The following CFAP99 variants were observed in gnomAD, a reference collection of about 807,000 sequenced individuals.
CFAP99 encodes cilia- and flagella-associated protein 99.
CFAP99 carries 84 observed loss-of-function variants against 82.7 expected under a neutral mutation model. The ratio of observed to expected loss-of-function variants is 1.02; its 90% CI spans 0.85 to 1.22. CFAP99 has a LOEUF of 1.22. Among genes scored for constraint, CFAP99 ranks in the 50% most tolerant of loss-of-function variants. The pLI is 0.00. For missense variants in CFAP99, 1,059 were observed against 983.5 expected (o/e 1.08, Z -1.03); for synonymous variants, 456 against 429.5 (o/e 1.06, Z -0.76).
chr4:2,462,109 A>G lies in CFAP99; in HGVS notation c.1662-334A>G, dbSNP rs1734634441. The G allele has an allele frequency of 5.4e-6, 1 of 184,612 alleles. No individual in the cohort carries two copies. Among genetic ancestry groups the G allele is most frequent in the Non-Finnish European group, 1.1e-5 (1 of 89,734 alleles). The allele number at this position is 184,612 out of a possible 1,614,324, so 11.4% of individuals were successfully genotyped here. On this transcript the variant is annotated intron_variant, in intron 14 of 14. Coordinates refer to ENST00000635017, the Ensembl canonical transcript of CFAP99. This position sits in a 1 kb window ranked among gnomAD's most constrained non-coding sequence, Gnocchi z 4.1. ...GAGGTCAAGGCTGCAGTGAGCCATG[A>G]TCGCGCCACTGCACTCCAGCCTGGG... is the stretch of plus-strand genomic sequence containing the variant.
At chr4:2,441,078 A>ATAT (rs1243022935) in intron 4 of CFAP99, among the ~76,000 whole-genome samples, 2 of 149,260 alleles carry the variant, frequency 1.3e-5, no homozygotes, top group East Asian at 3.9e-4. Flanking sequence ...AATAATAATA[A>ATAT]TATAATAATA....
intron 2 of CFAP99, among the ~76,000 whole-genome samples, chr4:2,431,748 T>A (rs1578466494): frequency 6.6e-6 from 1 of 151,958 alleles, no homozygotes; most frequent in Non-Finnish European, 1.5e-5. Flanking sequence ...TTTATTATTT[T>A]TTTTTTTTGA....
intron 13 of CFAP99, 64 bp downstream of exon 13, chr4:2,459,322 G>C: frequency 2.1e-6 from 3 of 1,458,378 alleles, no homozygotes; most frequent in Admixed American, 2.4e-5. Context: ...TGCCATGAGA[G>C]GCAGTTTCCA....
intron 4 of CFAP99, among the ~76,000 whole-genome samples, chr4:2,438,980 G>C (rs1002600713): frequency 6.6e-6 from 1 of 152,158 alleles, no homozygotes. Context: ...ATGAGGATTG[G>C]CACCCCGAGG....
chr4:2,429,546 A>C (rs1447872308), intron 2 of CFAP99, among the ~76,000 whole-genome samples: 1 of 151,812 alleles, frequency 6.6e-6, no homozygotes, highest in Non-Finnish European at 1.5e-5. Context: ...GGTGGCAAGC[A>C]GGCTTGTTCC....
In CFAP99 at chr4:2,448,255, C is replaced by T. The variant is rs556639316; in HGVS notation, c.643-1415C>T. On this transcript the variant is annotated intron_variant, in intron 6 of 14. Coordinates refer to ENST00000635017, the Ensembl canonical transcript of CFAP99. The surrounding 1 kb of genome is among the most constrained non-coding windows in gnomAD (Gnocchi z 5.2). ...CTCAGTGTGTTTGTCTCAGGTCATG[C>T]TGCCAACTTCATCTCTCTCTCTGTC... Among the ~76,000 whole-genome samples, 1 of 152,286 alleles carries T rather than the reference C, an allele frequency of 6.6e-6. No homozygotes were observed. The highest frequency in any genetic ancestry group is 1.9e-4 in the East Asian group (1 of 5,188).
chr4:2,458,733 T>C (rs1329720781), exon 12 of CFAP99: 1 of 1,533,880 alleles, frequency 6.5e-7, no homozygotes, highest in African/African-American at 1.4e-5. Context: ...ATGGCCAAGC[T>C]GATGCTGCAG....
Position 2,462,385 on chromosome 4 carries a change from T to G in CFAP99, c.1662-58T>G, listed in dbSNP as rs895040848. On this transcript the variant is annotated intron_variant, in intron 14 of 14. Transcript: ENST00000635017. The surrounding 1 kb of genome is among the most constrained non-coding windows in gnomAD (Gnocchi z 4.1). ...CGTCGCTTGGACACGGGTGGCATCC[T>G]GGGTCTGGCCTGGGCCTCCCGCCGG... 3 of 1,370,154 alleles carry G rather than the reference T, an allele frequency of 2.2e-6. No homozygotes were observed. In the African/African-American group the frequency reaches 4.6e-5, roughly 21 times the overall value. 84.9% of individuals were successfully genotyped at this position (1,370,154 alleles called of 1,614,324 possible). A position where few individuals can be genotyped will look rare whatever the true frequency, so the allele number is the denominator to read the frequency against.
intron 12 of CFAP99, 32 bp from the exon 13 acceptor site, chr4:2,459,075 C>A (rs527302629): frequency 1.4e-6 from 2 of 1,480,990 alleles, no homozygotes; most frequent in Admixed American, 2.3e-5. Flanking sequence ...TGCCACCCAC[C>A]AGCCACCTCA....
At chr4:2,453,485 C>G (rs1402995243) in intron 11 of CFAP99, among the ~76,000 whole-genome samples, 1 of 152,190 alleles carries the variant, frequency 6.6e-6, no homozygotes, top group African/African-American at 2.4e-5. Context: ...CATCTTCACT[C>G]CACCAAAGTG....
At chr4:2,425,488 G>A (rs1733664451) in intron 1 of CFAP99, among the ~76,000 whole-genome samples, 1 of 152,106 alleles carries the variant, frequency 6.6e-6, no homozygotes, top group Non-Finnish European at 1.5e-5. Flanking sequence ...TGCTACCTGG[G>A]GCTGTTCTAG....
In CFAP99 at chr4:2,446,238, C is replaced by T. The variant is rs1734161449; in HGVS notation, c.642+930C>T. On this transcript the variant is annotated intron_variant, in intron 6 of 14. Coordinates refer to ENST00000635017, the Ensembl canonical transcript of CFAP99. This position sits in a 1 kb window ranked among gnomAD's most constrained non-coding sequence, Gnocchi z 5.0. ...GTTTACTTCTCACTGATCCTGGCTC[C>T]TTTTCTTCACCGAATTGGAGTTTAG... Among the ~76,000 whole-genome samples the T allele has an allele frequency of 6.6e-6, 1 of 152,162 alleles. No individual in the cohort carries two copies. Among genetic ancestry groups the T allele is most frequent in the Non-Finnish European group, 1.5e-5 (1 of 68,034 alleles).
chr4:2,444,998 C>T (rs11734990), intron 5 of CFAP99, 133 bp from the exon 6 acceptor site: 56 of 527,042 alleles, frequency 1.1e-4, no homozygotes, highest in Admixed American at 8.7e-4. Flanking sequence ...GAAGTGAGGC[C>T]GTCCATCCCA....
Position 2,458,711 on chromosome 4 carries a change from C to A in CFAP99, c.1162-12C>A, listed in dbSNP as rs1008678961. 2.9e-5 allele frequency: 44 copies of A among 1,529,310 alleles called. No homozygotes were observed. The African/African-American group carries it at 5.5e-4, about 19-fold the overall frequency. 94.7% of individuals were successfully genotyped at this position (1,529,310 alleles called of 1,614,324 possible). A position where few individuals can be genotyped will look rare whatever the true frequency, so the allele number is the denominator to read the frequency against. Reference sequence around the variant, plus strand: ...AGCCCCACTCACCGTGGCAGGTCCGCTGTCTGGGCAGATGGCCAAGCTGAT... The same window carrying A: ...AGCCCCACTCACCGTGGCAGGTCCGATGTCTGGGCAGATGGCCAAGCTGAT... On this transcript the variant is annotated splice_polypyrimidine_tract_variant and intron_variant, in intron 11 of 14. Transcript: ENST00000635017.
chr4:2,421,350 CT>C (rs10632358), intron 1 of CFAP99, among the ~76,000 whole-genome samples: 114 of 96,982 alleles, frequency 1.2e-3, no homozygotes, highest in African/African-American at 2.6e-3. Flanking sequence ...TCTGCCCACC[CT>C]TTTTTTTTTT....
In CFAP99 at chr4:2,424,461, GA is replaced by G. The variant is rs1181716449; in HGVS notation, c.-17-1989del. 1.3e-4 allele frequency among the ~76,000 whole-genome samples: 19 copies of G among 151,172 alleles called. No homozygotes were observed. The South Asian group carries it at 4.0e-3, about 32-fold the overall frequency. The stretch of plus-strand genomic sequence containing the variant: ...AGAGCAAAACTCCATCTCAAAAAAA[GA>G]AAAAAAAAGAACAGCCCATGTCAGG... On this transcript the variant is annotated intron_variant, in intron 1 of 14. Transcript: ENST00000635017.
intron 11 of CFAP99, among the ~76,000 whole-genome samples, chr4:2,458,347 G>A (rs1293751881): frequency 6.6e-6 from 1 of 152,100 alleles, no homozygotes; most frequent in Non-Finnish European, 1.5e-5. Context: ...ATAGAACAGG[G>A]TATTCCACGT....
intron 1 of CFAP99, among the ~76,000 whole-genome samples, chr4:2,422,371 C>A (rs1394935627): frequency 3.9e-5 from 6 of 152,106 alleles, no homozygotes; most frequent in Admixed American, 2.6e-4. Flanking sequence ...GCTCTTCACC[C>A]CCGTCCCCAT....
rs1376525426 is a variant in CFAP99, at chr4:2,426,592, A to G, written c.111+6A>G. The G allele has an allele frequency of 6.5e-7, 1 of 1,529,102 alleles. No individual in the cohort carries two copies. The highest frequency in any genetic ancestry group is 8.8e-7 in the Non-Finnish European group (1 of 1,140,796). 94.7% of individuals were successfully genotyped at this position (1,529,102 alleles called of 1,614,324 possible). A position where few individuals can be genotyped will look rare whatever the true frequency, so the allele number is the denominator to read the frequency against. Reference sequence around the variant, plus strand: ...CTGCGGCCACCTCCCTGCAGGTAGGATCTGCTGGGGGCTGCTGGGAGGCCA... The same window carrying G: ...CTGCGGCCACCTCCCTGCAGGTAGGGTCTGCTGGGGGCTGCTGGGAGGCCA... On this transcript the variant is annotated splice_donor_region_variant and intron_variant, in intron 2 of 14. Coordinates refer to ENST00000635017, the Ensembl canonical transcript of CFAP99.
Sources: gnomAD v4.1 joint callset for allele counts (sites outside exome capture counted in the v4.1 genomes callset) on GRCh38, gnomAD v4.1.1 for gene constraint, Gnocchi (gnomAD v3.1) non-coding constraint, MANE v1.5 for transcripts, NCBI Gene and HGNC (gene_info 2026-07-23, HGNC 2026-07-21) for gene names.